Variants in SEZ6L observed in about 807,000 individuals in gnomAD.
The protein encoded by SEZ6L is seizure related 6 homolog like, also known as seizure 6-like protein.
SEZ6L carries 37 observed loss-of-function variants against 106.2 expected under a neutral mutation model. That is an observed-to-expected ratio of 0.35 (90% CI 0.27 to 0.46). The LOEUF is 0.46. Ranked by LOEUF, SEZ6L falls within the 20% of genes least tolerant of loss-of-function variation. SEZ6L has a pLI of 1.00. For synonymous variants in SEZ6L, 541 were observed against 570.4 expected, an observed-to-expected ratio of 0.95 and a Z score of 0.73; for missense variants, 1,172 against 1,332.8, an observed-to-expected ratio of 0.88 and a Z score of 1.88.
At chr22:26,178,058 C>T (rs977555711) in intron 1 of SEZ6L, among the ~76,000 whole-genome samples, 7 of 152,096 alleles carry the variant, frequency 4.6e-5, no homozygotes, top group Non-Finnish European at 1.0e-4. Context: ...GTCCTGAGAC[C>T]CAAGGAGTGT....
chr22:26,189,423 AT>A (rs1360505318), intron 1 of SEZ6L, among the ~76,000 whole-genome samples: 3 of 152,240 alleles, frequency 2.0e-5, no homozygotes, highest in Non-Finnish European at 4.4e-5. Flanking sequence ...AAACATTCAC[AT>A]AAAAATACAG....
At chr22:26,355,739 G>T (rs2083418188) in intron 12 of SEZ6L, among the ~76,000 whole-genome samples, 1 of 149,482 alleles carries the variant, frequency 6.7e-6, no homozygotes, top group Non-Finnish European at 1.5e-5. Context: ...CAACAACATA[G>T]AAACAGAAAA....
intron 1 of SEZ6L, 53 bp from the exon 2 acceptor site, chr22:26,292,353 G>A (rs1448721304): frequency 2.1e-6 from 3 of 1,434,944 alleles, no homozygotes; most frequent in African/African-American, 2.8e-5. Context: ...CTGACAGCAG[G>A]TGAAGGTCCT....
intron 1 of SEZ6L, among the ~76,000 whole-genome samples, chr22:26,184,283 C>A (rs1014597777): frequency 6.6e-6 from 1 of 152,144 alleles, no homozygotes; most frequent in Non-Finnish European, 1.5e-5. Context: ...GTTCCCTCTA[C>A]CCCAGTGTCT....
At chr22:26,251,847 C>T (rs186440842) in intron 1 of SEZ6L, among the ~76,000 whole-genome samples, 160 of 152,302 alleles carry the variant, frequency 1.1e-3, no homozygotes, top group African/African-American at 3.6e-3. Flanking sequence ...AGGAGTGGTC[C>T]TGTGTGTGGC....
chr22:26,369,542 G>A (rs892685013), intron 13 of SEZ6L, among the ~76,000 whole-genome samples: 12 of 151,124 alleles, frequency 7.9e-5, no homozygotes, highest in East Asian at 2.0e-4. Flanking sequence ...GGTTTTCACC[G>A]TGTTAGCCAG....
At position 26,294,958 on chromosome 22, in the gene SEZ6L, T is replaced by TTG. The variant is rs1569450202; in HGVS notation, c.969+533_969+534insTG. Among the ~76,000 whole-genome samples the TTG allele has an allele frequency of 6.8e-4, 82 of 119,924 alleles. 1 individual carries two copies. The highest frequency in any genetic ancestry group is 4.1e-3 in the Middle Eastern group (1 of 242). 78.7% of individuals were successfully genotyped at this position (119,924 alleles called of 152,430 possible). A position where few individuals can be genotyped will look rare whatever the true frequency, so the allele number is the denominator to read the frequency against. ...CTCTTTCTTTCTTTCTTTCTTTCTT[T>TTG]CTTGCTTGCTTGCTTGCTTTCCTTC... On this transcript the variant is annotated intron_variant, in intron 3 of 16. Coordinates refer to ENST00000248933, the MANE Select transcript of SEZ6L (RefSeq NM_021115.5).
chr22:26,324,064 C>CCACACACACACACACA (rs71311560), intron 9 of SEZ6L, among the ~76,000 whole-genome samples: 103 of 140,268 alleles, frequency 7.3e-4, no homozygotes, highest in South Asian at 1.2e-3. Context: ...CAGTTTTTAA[C>CCACACACACACACACA]CACACACACA....
intron 1 of SEZ6L, among the ~76,000 whole-genome samples, chr22:26,273,930 G>C (rs1193492884): frequency 6.6e-6 from 1 of 152,140 alleles, no homozygotes; most frequent in African/African-American, 2.4e-5. Flanking sequence ...GACCTGGCGT[G>C]GACAGAGTCA....
chr22:26,287,799 G>A (rs756758631), intron 1 of SEZ6L, among the ~76,000 whole-genome samples: 32 of 152,172 alleles, frequency 2.1e-4, no homozygotes, highest in Non-Finnish European at 4.6e-4. Context: ...CATCTGTGTT[G>A]GACTTGGCCT....
At position 26,362,741 on chromosome 22, in the gene SEZ6L, C is replaced by A. The variant is rs149063699; in HGVS notation, c.2600-2631C>A. Among the ~76,000 whole-genome samples the A allele has an allele frequency of 2.0e-3, 302 of 152,298 alleles. 2 individuals are homozygous for A. Among genetic ancestry groups the A allele is most frequent in the African/African-American group, 7.0e-3 (291 of 41,560 alleles). On this transcript the variant is annotated intron_variant, in intron 12 of 16. Transcript: ENST00000248933. ...GATGCAACTCCAGCTGCACAGTGAC[C>A]TGGGAAGTCTCTTCCCACAGGCTGA...
rs1427789754 is a variant in SEZ6L, at chr22:26,348,640, G to GAA, written c.2407+729_2407+730dup. Reference sequence around the variant, plus strand: ...AGAAAGAAAGAAAGAAAGAAAGAAAGAAAGAAAAAGAAAGAAAGAAAGAAA... The same window carrying GAA: ...AGAAAGAAAGAAAGAAAGAAAGAAAGAAAAAGAAAAAGAAAGAAAGAAAGAAA... On this transcript the variant is annotated intron_variant, in intron 11 of 16. Coordinates refer to ENST00000248933, the MANE Select transcript of SEZ6L (RefSeq NM_021115.5). Among the ~76,000 whole-genome samples the GAA allele has an allele frequency of 4.3e-3, 110 of 25,714 alleles. 2 individuals carry two copies. Among genetic ancestry groups the GAA allele is most frequent in the Admixed American group, 0.028 (45 of 1,586 alleles). The allele number at this position is 25,714 out of a possible 152,430, so 16.9% of individuals were successfully genotyped here.
chr22:26,374,263 C>CTTTTT (rs112702936), intron 14 of SEZ6L, among the ~76,000 whole-genome samples: 6 of 141,220 alleles, frequency 4.2e-5, no homozygotes, highest in African/African-American at 1.6e-4. Flanking sequence ...TATATTGTTT[C>CTTTTT]TTTTTTTTTT....
chr22:26,277,600 G>C (rs897312491), intron 1 of SEZ6L, among the ~76,000 whole-genome samples: 1 of 152,128 alleles, frequency 6.6e-6, no homozygotes, highest in Non-Finnish European at 1.5e-5. Flanking sequence ...ATTTTACCAA[G>C]GATTAACCTT....
At chr22:26,349,749 G>C (rs2083210032) in intron 11 of SEZ6L, among the ~76,000 whole-genome samples, 1 of 152,026 alleles carries the variant, frequency 6.6e-6, no homozygotes. Context: ...GCCTCCCAGA[G>C]AGCTGGGATT....
chr22:26,345,267 G>T (rs541393689), intron 10 of SEZ6L, among the ~76,000 whole-genome samples: 1 of 152,330 alleles, frequency 6.6e-6, no homozygotes, highest in South Asian at 2.1e-4. Flanking sequence ...CTTAGCCAAG[G>T]CCACCCAGTT....
chr22:26,331,107 C>T (rs2082466944), intron 9 of SEZ6L, among the ~76,000 whole-genome samples: 1 of 152,232 alleles, frequency 6.6e-6, no homozygotes, highest in Admixed American at 6.5e-5. Flanking sequence ...ACCTGCTCCC[C>T]ACATCCAGGC....
intron 5 of SEZ6L, among the ~76,000 whole-genome samples, chr22:26,304,989 T>C (rs2081588873): frequency 6.6e-6 from 1 of 152,232 alleles, no homozygotes; most frequent in African/African-American, 2.4e-5. Flanking sequence ...ACCCAGGCTA[T>C]ATGGTACAGC....
At chr22:26,294,212 C>T (rs752690519) in intron 2 of SEZ6L, 80 bp from the exon 3 acceptor site, 5 of 1,436,530 alleles carry the variant, frequency 3.5e-6, no homozygotes, top group Non-Finnish European at 4.8e-6. Context: ...TCCCCTAAAG[C>T]CCCCATTCCA....
Sources: allele counts gnomAD v4.1 joint callset (sites outside exome capture counted in the v4.1 genomes callset), GRCh38; gene constraint gnomAD v4.1.1; transcripts MANE v1.5; gene names NCBI Gene and HGNC (gene_info 2026-07-23, HGNC 2026-07-21).